Variants in AKIRIN1 observed in about 807,000 individuals in gnomAD.
AKIRIN1 encodes akirin 1.
AKIRIN1 carries 4 observed loss-of-function variants against 25.9 expected under a neutral mutation model. The ratio of observed to expected loss-of-function variants is 0.15; its 90% CI spans 0.08 to 0.35. The LOEUF (loss-of-function observed/expected upper bound fraction) is 0.35. AKIRIN1 is among the 10% of genes least tolerant of loss of function. The pLI is 1.00. For missense variants in AKIRIN1, 243 were observed against 266.1 expected (o/e 0.91, Z 0.61); for synonymous variants, 125 against 105.1 (o/e 1.19, Z -1.16).
rs1398278064 is a variant in AKIRIN1, at chr1:38,991,335, C to A, written c.-46C>A. On this transcript the variant is annotated 5_prime_UTR_variant, in exon 1 of 5. Transcript: ENST00000432648. The stretch of plus-strand genomic sequence containing the variant: ...AGCCCGGCTGAGGAGCCTCTTGGGC[C>A]GCACTTACCGCCGCGTCCGCTCCCG... 2 of 1,324,000 alleles carry A rather than the reference C, an allele frequency of 1.5e-6. No homozygotes were observed. The highest frequency in any genetic ancestry group is 1.9e-5 in the South Asian group (1 of 52,408). The allele number at this position is 1,324,000 out of a possible 1,614,324, so 82.0% of individuals were successfully genotyped here. A position where few individuals can be genotyped will look rare whatever the true frequency, so the allele number is the denominator to read the frequency against.
chr1:38,993,457 T>TAAA (rs938656724), intron 1 of AKIRIN1, among the ~76,000 whole-genome samples: 7 of 143,720 alleles, frequency 4.9e-5, no homozygotes, highest in African/African-American at 1.8e-4. Flanking sequence ...GACTCCATCT[T>TAAA]AAAAAAAAAA....
At chr1:38,999,901 T>G (rs1171211468) in intron 2 of AKIRIN1, among the ~76,000 whole-genome samples, 1 of 152,014 alleles carries the variant, frequency 6.6e-6, no homozygotes, top group Non-Finnish European at 1.5e-5. Flanking sequence ...TTTTTGGGTT[T>G]TTCTTGAGAT....
Position 38,998,243 on chromosome 1 carries a change from A to T in AKIRIN1, c.293A>T (p.Asn98Ile). The change falls in exon 2 of 5, where the codon AAT becomes ATT. Residue 98 changes from asparagine (N) to isoleucine (I), a missense_variant. Asn to Ile is a moderately radical substitution (Grantham distance 149). Coordinates refer to ENST00000432648, the MANE Select transcript of AKIRIN1 (RefSeq NM_024595.3). ...TGGAGACATTTAGAAGTTGTTCTTA[A>T]TCAGAGTGAAGCTTGTGCTTCGGAA... ...QRWRHLEVVLNQSEACASESQ... is the reference protein window; with the variant it reads ...QRWRHLEVVLIQSEACASESQ... 6.2e-7 allele frequency: 1 copy of T among 1,614,068 alleles called. No homozygotes were observed. Among genetic ancestry groups the T allele is most frequent in the Non-Finnish European group, 8.5e-7 (1 of 1,179,948 alleles).
chr1:38,992,339 T>TAA (rs1470890169), intron 1 of AKIRIN1, among the ~76,000 whole-genome samples: 1 of 152,162 alleles, frequency 6.6e-6, no homozygotes, highest in Non-Finnish European at 1.5e-5. Context: ...GGACTGGCGT[T>TAA]ACAGTAGACA....
At position 38,991,525 on chromosome 1, in the gene AKIRIN1, T is replaced by C; in HGVS notation, c.145T>C (p.Phe49Leu). ...RPPDAEPPPP[F>L]QTQTPPQSLQ... ...CCCGGACGCCGAGCCGCCGCCGCCG[T>C]TTCAGACGCAGACCCCACCGCAGAG... Residue 49 changes from phenylalanine (F) to leucine (L), a missense_variant, in exon 1 of 5, where the codon TTT (phenylalanine) becomes CTT (leucine). This residue lies in a region of AKIRIN1 where 190 missense variants were observed against 174.4 expected (regional missense o/e 1.09). Coordinates refer to ENST00000432648, the MANE Select transcript of AKIRIN1 (RefSeq NM_024595.3). 1 of 1,458,858 alleles carries C rather than the reference T, an allele frequency of 6.9e-7. No homozygotes were observed. Among genetic ancestry groups the C allele is most frequent in the Non-Finnish European group, 9.0e-7 (1 of 1,110,430 alleles). The allele number at this position is 1,458,858 out of a possible 1,614,324, so 90.4% of individuals were successfully genotyped here.
At chr1:38,998,679 G>A (rs917547942) in intron 2 of AKIRIN1, among the ~76,000 whole-genome samples, 10 of 152,146 alleles carry the variant, frequency 6.6e-5, no homozygotes, top group Admixed American at 1.3e-4. Context: ...TGAGGCAGGC[G>A]GATCTCCTGA....
chr1:39,004,304 C>A lies in AKIRIN1; in HGVS notation c.*249C>A, dbSNP rs759510287. The A allele has an allele frequency of 3.0e-6, 2 of 656,208 alleles. No individual in the cohort carries two copies. The highest frequency in any genetic ancestry group is 1.8e-5 in the African/African-American group (1 of 55,792). 40.6% of individuals were successfully genotyped at this position (656,208 alleles called of 1,614,324 possible). A position where few individuals can be genotyped will look rare whatever the true frequency, so the allele number is the denominator to read the frequency against. On this transcript the variant is annotated 3_prime_UTR_variant, in exon 5 of 5. Transcript: ENST00000432648. Reference sequence around the variant, plus strand: ...GTGATAGATTTTCCAAACAAAAATACCTGGAGCAGCAGTTTAGCAAAATAT... The same window carrying A: ...GTGATAGATTTTCCAAACAAAAATAACTGGAGCAGCAGTTTAGCAAAATAT...
chr1:39,003,322 A>G (rs763717334), intron 3 of AKIRIN1, 25 bp from the exon 4 acceptor site: 5 of 1,606,610 alleles, frequency 3.1e-6, no homozygotes, highest in Non-Finnish European at 3.4e-6. Context: ...GTTGCTGAGG[A>G]TAAGTATGTA....
Position 38,991,391 on chromosome 1 carries a change from G to T in AKIRIN1, c.11G>T (p.Gly4Val). The T allele has an allele frequency of 7.5e-7, 1 of 1,339,224 alleles. No individual in the cohort carries two copies. Among genetic ancestry groups the T allele is most frequent in the South Asian group, 1.8e-5 (1 of 54,282 alleles). 83.0% of individuals were successfully genotyped at this position (1,339,224 alleles called of 1,614,324 possible). Residue 4 changes from glycine to valine, a missense_variant, in exon 1 of 5, where the codon GGG becomes GTG. Gly to Val is a moderately radical substitution (Grantham distance 109, BLOSUM62 -3). Coordinates refer to ENST00000432648, the MANE Select transcript of AKIRIN1 (RefSeq NM_024595.3). Reference protein sequence around the residue: MACGATLKRPMEFE... With the variant: MACVATLKRPMEFE... ...TGGCCCCTCAGCGGCATGGCGTGCG[G>T]GGCGACGCTGAAGCGGCCCATGGAG... is the stretch of plus-strand genomic sequence containing the variant.
chr1:38,997,543 T>A (rs2148066946), intron 1 of AKIRIN1, among the ~76,000 whole-genome samples: 1 of 152,298 alleles, frequency 6.6e-6, no homozygotes, highest in Non-Finnish European at 1.5e-5. Flanking sequence ...TTGTGGTTTT[T>A]TTTTGAGACG....
At chr1:38,991,653 G>T (rs1275450592) in intron 1 of AKIRIN1, 53 bp downstream of exon 1, 20 of 1,134,928 alleles carry the variant, frequency 1.8e-5, no homozygotes, top group Non-Finnish European at 2.1e-5. Flanking sequence ...GCATTTTTTG[G>T]GGGGGGTGGT....
intron 1 of AKIRIN1, 110 bp from the exon 2 acceptor site, chr1:38,998,061 G>T: frequency 2.5e-6 from 3 of 1,213,126 alleles, no homozygotes; most frequent in Non-Finnish European, 3.4e-6. Flanking sequence ...ACATGCCAAA[G>T]GGAGTATCTA....
intron 1 of AKIRIN1, among the ~76,000 whole-genome samples, chr1:38,995,919 A>G (rs1487472606): frequency 1.3e-5 from 2 of 152,072 alleles, no homozygotes; most frequent in Non-Finnish European, 2.9e-5. Context: ...CTGAAATCCA[A>G]ACTACTCTGG....
chr1:39,004,121 C>T lies in AKIRIN1; in HGVS notation c.*66C>T, dbSNP rs1397496987. The T allele has an allele frequency of 6.5e-7, 1 of 1,541,510 alleles. No homozygotes were observed. Among genetic ancestry groups the T allele is most frequent in the East Asian group, 2.2e-5 (1 of 44,498 alleles). ...GATGGCTGCTGTACACTTTTTGCAA[C>T]TGGTTTGATGTCACATTTCAGCTCC... is the stretch of plus-strand genomic sequence containing the variant. On this transcript the variant is annotated 3_prime_UTR_variant, in exon 5 of 5. Transcript: ENST00000432648.
At position 38,994,924 on chromosome 1, in the gene AKIRIN1, A is replaced by G. The variant is rs192727558; in HGVS notation, c.221-3247A>G. On this transcript the variant is annotated intron_variant, in intron 1 of 4. Coordinates refer to ENST00000432648, the MANE Select transcript of AKIRIN1 (RefSeq NM_024595.3). Reference sequence around the variant, plus strand: ...AGGCTGGTCTCAAACACCTGACCTCAGGTGATCCGCCTGCCTCAGACTCCC... The same window carrying G: ...AGGCTGGTCTCAAACACCTGACCTCGGGTGATCCGCCTGCCTCAGACTCCC... Among the ~76,000 whole-genome samples, 1,036 of 152,118 alleles carry G rather than the reference A, an allele frequency of 6.8e-3. 6 individuals carry two copies. The highest frequency in any genetic ancestry group is 8.5e-3 in the Non-Finnish European group (581 of 67,998).
chr1:38,991,317 C>A lies in AKIRIN1; in HGVS notation c.-64C>A. 2.3e-6 allele frequency: 3 copies of A among 1,283,950 alleles called. No homozygotes were observed. Among genetic ancestry groups the A allele is most frequent in the Non-Finnish European group, 3.0e-6 (3 of 1,008,718 alleles). The allele number at this position is 1,283,950 out of a possible 1,614,324, so 79.5% of individuals were successfully genotyped here. A position where few individuals can be genotyped will look rare whatever the true frequency, so the allele number is the denominator to read the frequency against. ...GAGCCGGCTTGGCTGGCGAGCCCGGCTGAGGAGCCTCTTGGGCCGCACTTA... is the reference window on the plus strand; with the variant it reads ...GAGCCGGCTTGGCTGGCGAGCCCGGATGAGGAGCCTCTTGGGCCGCACTTA... On this transcript the variant is annotated 5_prime_UTR_variant, in exon 1 of 5. It adds an upstream start codon to the 5' untranslated region. Transcript: ENST00000432648.
At chr1:38,994,386 A>G (rs1643931344) in intron 1 of AKIRIN1, among the ~76,000 whole-genome samples, 1 of 152,220 alleles carries the variant, frequency 6.6e-6, no homozygotes, top group Non-Finnish European at 1.5e-5. Flanking sequence ...AATTCCAGAC[A>G]TGGAAGAAGG....
At chr1:38,993,069 T>A in intron 1 of AKIRIN1, among the ~76,000 whole-genome samples, 1 of 152,244 alleles carries the variant, frequency 6.6e-6, no homozygotes, top group East Asian at 1.9e-4. Flanking sequence ...GTCCATAATC[T>A]TTTTGGGTCT....
chr1:38,992,246 C>G (rs1208718600), intron 1 of AKIRIN1, among the ~76,000 whole-genome samples: 1 of 152,134 alleles, frequency 6.6e-6, no homozygotes, highest in East Asian at 1.9e-4. Flanking sequence ...CTACGACATA[C>G]GGAGGTTCTA....
Sources: allele counts gnomAD v4.1 joint callset (sites outside exome capture counted in the v4.1 genomes callset), GRCh38; gene constraint gnomAD v4.1.1; regional missense constraint gnomAD v4.1.1; transcripts MANE v1.5; gene names NCBI Gene and HGNC (gene_info 2026-07-23, HGNC 2026-07-21).